The following NCK2 variants were observed in gnomAD, a reference collection of about 807,000 sequenced individuals.
NCK2 encodes the protein NCK adaptor protein 2.
In NCK2, 16 loss-of-function variants were observed where a neutral mutation model predicts 33.9. The ratio of observed to expected loss-of-function variants is 0.47; its 90% CI spans 0.32 to 0.72. NCK2 has a LOEUF of 0.72. NCK2 is among the 30% of genes least tolerant of loss of function. NCK2 has a pLI of 0.03. For missense variants in NCK2, 418 were observed against 537.3 expected (o/e 0.78, Z 2.19); for synonymous variants, 273 against 239.9 (o/e 1.14, Z -1.27).
At chr2:105,853,992 T>A (rs1024894556) in intron 2 of NCK2, 3 of 151,980 alleles carry the variant, frequency 2.0e-5, no homozygotes, top group Non-Finnish European at 4.4e-5. Flanking sequence ...CTTGCAAAAA[T>A]TGGGCAATGC....
intron 2 of NCK2, among the ~76,000 whole-genome samples, chr2:105,836,445 G>A (rs940754084): frequency 1.3e-5 from 2 of 152,122 alleles, no homozygotes; most frequent in Non-Finnish European, 2.9e-5. Context: ...TGGAGGCGTG[G>A]TGTGGCTTTA....
chr2:105,839,063 G>T (rs775652539), intron 2 of NCK2, among the ~76,000 whole-genome samples: 2 of 152,112 alleles, frequency 1.3e-5, no homozygotes, highest in African/African-American at 2.4e-5. Flanking sequence ...TATGAGAGAG[G>T]CAGGGAGAGC....
At chr2:105,890,974 C>T (rs1678947385) in intron 4 of NCK2, among the ~76,000 whole-genome samples, 1 of 152,204 alleles carries the variant, frequency 6.6e-6, no homozygotes, top group South Asian at 2.1e-4. Context: ...AAGCAGAAAA[C>T]TGGTCTGGGA....
chr2:105,793,528 G>A (rs1261495636), intron 1 of NCK2, among the ~76,000 whole-genome samples: 1 of 152,222 alleles, frequency 6.6e-6, no homozygotes, highest in African/African-American at 2.4e-5. Flanking sequence ...GCATTGCACT[G>A]GCTAACAAGT....
At chr2:105,779,294 G>A (rs1253925640) in intron 1 of NCK2, among the ~76,000 whole-genome samples, 4 of 122,840 alleles carry the variant, frequency 3.3e-5, no homozygotes, top group Non-Finnish European at 4.9e-5. Context: ...GCAACAGGGC[G>A]AGACTCCGTC....
intron 2 of NCK2, among the ~76,000 whole-genome samples, chr2:105,826,518 TTA>T (rs1355665415): frequency 6.6e-6 from 1 of 152,148 alleles, no homozygotes; most frequent in Non-Finnish European, 1.5e-5. Context: ...TTAAAGAGAC[TTA>T]TATATAGATT....
chr2:105,773,052 C>G (rs1343569086), intron 1 of NCK2, among the ~76,000 whole-genome samples: 1 of 151,660 alleles, frequency 6.6e-6, no homozygotes, highest in Non-Finnish European at 1.5e-5. Context: ...GCACCCCACT[C>G]AGCAAATTTT....
intron 1 of NCK2, among the ~76,000 whole-genome samples, chr2:105,786,630 G>A (rs1316723992): frequency 6.6e-6 from 1 of 152,224 alleles, no homozygotes; most frequent in African/African-American, 2.4e-5. Context: ...TCAGGGTGAG[G>A]CCTGATAAGC....
intron 3 of NCK2, among the ~76,000 whole-genome samples, chr2:105,869,456 G>T (rs969052970): frequency 6.6e-6 from 1 of 152,194 alleles, no homozygotes; most frequent in Admixed American, 6.5e-5. Context: ...AGATGTTACA[G>T]AAAGTGCCAA....
chr2:105,842,845 G>T (rs1041770708), intron 2 of NCK2, among the ~76,000 whole-genome samples: 1 of 151,606 alleles, frequency 6.6e-6, no homozygotes, highest in Non-Finnish European at 1.5e-5. Context: ...TGAGTTTTCA[G>T]GGGGGTGGAC....
intron 1 of NCK2, among the ~76,000 whole-genome samples, chr2:105,789,851 G>T (rs1690815377): frequency 6.6e-6 from 1 of 152,218 alleles, no homozygotes; most frequent in Admixed American, 6.5e-5. Context: ...AAGTCCCCAG[G>T]TGATGCTGGT....
chr2:105,774,891 C>G (rs1269773193), intron 1 of NCK2, among the ~76,000 whole-genome samples: 1 of 149,990 alleles, frequency 6.7e-6, no homozygotes, highest in Admixed American at 6.6e-5. Flanking sequence ...GCTGAAAAAA[C>G]GCTTTCTAAA....
At chr2:105,768,996 G>A (rs1403630279) in intron 1 of NCK2, among the ~76,000 whole-genome samples, 1 of 151,886 alleles carries the variant, frequency 6.6e-6, no homozygotes, top group South Asian at 2.1e-4. Flanking sequence ...GGTGTAGGGG[G>A]TGCAGAAAGT....
chr2:105,786,039 C>A (rs1690669623), intron 1 of NCK2, among the ~76,000 whole-genome samples: 2 of 152,230 alleles, frequency 1.3e-5, no homozygotes, highest in Admixed American at 6.5e-5. Context: ...TTCTCATTTA[C>A]CTTCTGCCTT....
chr2:105,829,135 A>T (rs78949550), intron 2 of NCK2, among the ~76,000 whole-genome samples: 3,176 of 152,078 alleles, frequency 0.021, 110 homozygotes, highest in African/African-American at 0.072. Context: ...TCTTTTTAAA[A>T]TTTCCATTTG....
chr2:105,777,926 C>T (rs1042246588), intron 1 of NCK2, among the ~76,000 whole-genome samples: 4 of 152,152 alleles, frequency 2.6e-5, no homozygotes, highest in African/African-American at 4.8e-5. Context: ...TTCGCCTAGC[C>T]GTTCAGCCTT....
intron 1 of NCK2, among the ~76,000 whole-genome samples, chr2:105,798,187 T>C (rs934924636): frequency 4.6e-5 from 7 of 152,228 alleles, no homozygotes; most frequent in African/African-American, 1.7e-4. Flanking sequence ...TGTTTTCTTC[T>C]GATATGATGA....
Position 105,858,498 on chromosome 2 carries a change from G to A in NCK2, c.226+3209G>A, listed in dbSNP as rs530902480. 3.7e-4 allele frequency among the ~76,000 whole-genome samples: 56 copies of A among 152,210 alleles called. 1 individual carries two copies. The highest frequency in any genetic ancestry group is 3.3e-3 in the South Asian group (16 of 4,820). On this transcript the variant is annotated intron_variant, in intron 3 of 4. Coordinates refer to ENST00000233154, the MANE Select transcript of NCK2 (RefSeq NM_003581.5). ...TCCTGGGATCAATCTAGTAACTCAT[G>A]GCACCACCCACATTTGCCATTTTTA...
chr2:105,808,536 G>C (rs939655611), intron 1 of NCK2, among the ~76,000 whole-genome samples: 2 of 152,148 alleles, frequency 1.3e-5, no homozygotes, highest in Non-Finnish European at 2.9e-5. Flanking sequence ...ATCTTTCATC[G>C]AAGGAGCCCC....
Sources: gnomAD v4.1 joint callset for allele counts (sites outside exome capture counted in the v4.1 genomes callset) on GRCh38, gnomAD v4.1.1 for gene constraint, MANE v1.5 for transcripts, NCBI Gene and HGNC (gene_info 2026-07-23, HGNC 2026-07-21) for gene names.